Variants in DNAH11 observed in about 807,000 individuals in gnomAD.
DNAH11 encodes the protein axonemal beta dynein heavy chain 11.
In DNAH11, 442 loss-of-function variants were observed where a neutral mutation model predicts 526.0. That is an observed-to-expected ratio of 0.84 (90% CI 0.78 to 0.91). The LOEUF is 0.91. Ranked by LOEUF, DNAH11 falls within the 40% of genes least tolerant of loss-of-function variation. DNAH11 has a pLI of 0.00. For synonymous variants in DNAH11, 2,461 were observed against 1,935.9 expected (o/e 1.27, Z -7.12); for missense variants, 6,989 against 5,448.7 (o/e 1.28, Z -8.90).
chr7:21,900,808 A>G (rs1403581969), intron 81 of DNAH11, 199 bp from the exon 82 acceptor site: 2 of 722,600 alleles, frequency 2.8e-6, no homozygotes, highest in African/African-American at 1.8e-5. Context: ...TACGCATGGA[A>G]GCAAAGCGGT....
intron 63 of DNAH11, among the ~76,000 whole-genome samples, chr7:21,814,349 ATTTTTTT>A (rs923471274): frequency 3.5e-5 from 5 of 143,188 alleles, no homozygotes; most frequent in Admixed American, 6.7e-5. Flanking sequence ...TTATTTATTT[ATTTTTTT>A]TTTATTTTTT....
Position 21,543,428 on chromosome 7 carries a change from C to T in DNAH11, c.183C>T (p.Phe61=), listed in dbSNP as rs571142873. Residue 61 remains phenylalanine (F), a synonymous_variant, in exon 1 of 82, where the codon TTC becomes TTT. Coordinates refer to ENST00000409508, the MANE Select transcript of DNAH11 (RefSeq NM_001277115.2). ...RSFAQDARVR[F]LGGRLAMMLG... ...TCGCCCAAGACGCGCGGGTGCGCTTCCTCGGCGGCCGCCTGGCGATGATGC... is the reference window on the plus strand; with the variant it reads ...TCGCCCAAGACGCGCGGGTGCGCTTTCTCGGCGGCCGCCTGGCGATGATGC... The T allele has an allele frequency of 7.6e-5, 119 of 1,556,968 alleles. 1 individual carries two copies. The East Asian group carries it at 1.9e-3, about 24-fold the overall frequency.
At chr7:21,779,969 A>T (rs1432709306) in intron 57 of DNAH11, among the ~76,000 whole-genome samples, 2 of 152,124 alleles carry the variant, frequency 1.3e-5, no homozygotes, top group Non-Finnish European at 2.9e-5. Flanking sequence ...ATGTTACCTG[A>T]AAATATTTGA....
intron 55 of DNAH11, among the ~76,000 whole-genome samples, 167 bp downstream of exon 55, chr7:21,765,756 A>G (rs1214277933): frequency 1.3e-5 from 2 of 152,210 alleles, no homozygotes; most frequent in African/African-American, 4.8e-5. Context: ...CTGTTAGTTT[A>G]CATTCTAAGG....
intron 11 of DNAH11, 64 bp from the exon 12 acceptor site, chr7:21,589,144 C>A (rs1164887280): frequency 1.6e-6 from 2 of 1,277,704 alleles, no homozygotes; most frequent in African/African-American, 1.5e-5. Flanking sequence ...TATTACTATA[C>A]AATTATTAAG....
At chr7:21,603,651 C>T (rs777125526) in intron 18 of DNAH11, among the ~76,000 whole-genome samples, 26 of 152,044 alleles carry the variant, frequency 1.7e-4, no homozygotes, top group Non-Finnish European at 3.2e-4. Context: ...AGCTTGCAAG[C>T]CAGTTAGACA....
chr7:21,813,500 C>G (rs915800250), intron 63 of DNAH11, among the ~76,000 whole-genome samples: 3 of 152,160 alleles, frequency 2.0e-5, no homozygotes, highest in African/African-American at 7.2e-5. Context: ...TGAGTTGTTA[C>G]GTTACTGTAA....
intron 43 of DNAH11, among the ~76,000 whole-genome samples, chr7:21,719,032 T>G (rs1784778425): frequency 6.6e-6 from 1 of 152,214 alleles, no homozygotes; most frequent in East Asian, 1.9e-4. Context: ...ATCGTGTTCT[T>G]TCTCAAGTTC....
chr7:21,758,310 G>A (rs1786725615), intron 54 of DNAH11, among the ~76,000 whole-genome samples: 1 of 152,154 alleles, frequency 6.6e-6, no homozygotes, highest in Admixed American at 6.5e-5. Context: ...TGTATCTGAG[G>A]TTTACCCTCT....
At chr7:21,684,142 C>T (rs1409818565) in intron 32 of DNAH11, among the ~76,000 whole-genome samples, 198 bp downstream of exon 32, 1 of 152,154 alleles carries the variant, frequency 6.6e-6, no homozygotes, top group Non-Finnish European at 1.5e-5. Flanking sequence ...ATTAATATGG[C>T]TCAAGGAAGC....
intron 31 of DNAH11, among the ~76,000 whole-genome samples, chr7:21,682,309 G>A (rs934468113): frequency 2.6e-5 from 4 of 151,984 alleles, no homozygotes; most frequent in African/African-American, 4.8e-5. Context: ...GGCAGATCAC[G>A]AGGTCAGGAG....
chr7:21,687,802 C>T (rs929551968), intron 34 of DNAH11, among the ~76,000 whole-genome samples: 3 of 152,150 alleles, frequency 2.0e-5, no homozygotes, highest in Non-Finnish European at 2.9e-5. Context: ...TGCTTGTGAT[C>T]CTGGCACTTT....
intron 71 of DNAH11, among the ~76,000 whole-genome samples, chr7:21,867,515 T>C (rs974846511): frequency 2.0e-5 from 3 of 152,110 alleles, no homozygotes; most frequent in Admixed American, 1.3e-4. Flanking sequence ...AATTGCACTG[T>C]GGCAAATCTA....
Position 21,559,719 on chromosome 7 carries a change from T to G in DNAH11, c.809T>G (p.Leu270Arg). 1.9e-6 allele frequency: 3 copies of G among 1,609,850 alleles called. No individual in the cohort carries two copies. Among genetic ancestry groups the G allele is most frequent in the Non-Finnish European group, 2.5e-6 (3 of 1,177,900 alleles). The part of the protein sequence containing the change: ...RDSVQRLLNG[L>R]HLSPQAELDF... ...TCAGTGCAGCGTTTGTTGAATGGTC[T>G]TCACTTGTCTCCTCAAGCAGAACTA... The change falls in exon 4 of 82, where the codon CTT becomes CGT. Residue 270 changes from leucine to arginine, a missense_variant. Physicochemically the swap from Leu to Arg is moderately radical, Grantham distance 102. Transcript: ENST00000409508.
intron 57 of DNAH11, among the ~76,000 whole-genome samples, chr7:21,781,392 G>C (rs978282870): frequency 6.6e-6 from 1 of 152,192 alleles, no homozygotes; most frequent in Non-Finnish European, 1.5e-5. Flanking sequence ...GGCATTGCCA[G>C]CAGTGACTTC....
At chr7:21,640,598 A>T (rs76527816) in intron 28 of DNAH11, among the ~76,000 whole-genome samples, 4,142 of 152,170 alleles carry the variant, frequency 0.027, 175 homozygotes, top group African/African-American at 0.094. Flanking sequence ...AACAGTCATG[A>T]AACAGTTTTA....
At chr7:21,747,291 G>A (rs1786190721) in intron 51 of DNAH11, among the ~76,000 whole-genome samples, 1 of 152,120 alleles carries the variant, frequency 6.6e-6, no homozygotes, top group South Asian at 2.1e-4. Flanking sequence ...TATCTTCTCT[G>A]TTACTGGAGG....
chr7:21,730,418 A>G (rs920954215), intron 45 of DNAH11, among the ~76,000 whole-genome samples: 3 of 152,254 alleles, frequency 2.0e-5, no homozygotes, highest in Non-Finnish European at 2.9e-5. Flanking sequence ...ACCAGTAAGT[A>G]TAATGCAAAT....
At chr7:21,894,833 C>T (rs759460191) in intron 78 of DNAH11, 28 bp downstream of exon 78, 3 of 1,611,462 alleles carry the variant, frequency 1.9e-6, no homozygotes, top group South Asian at 2.2e-5. Flanking sequence ...CTATAGTAGA[C>T]TTCAGCACAT....
Sources: allele counts gnomAD v4.1 joint callset (sites outside exome capture counted in the v4.1 genomes callset), GRCh38; gene constraint gnomAD v4.1.1; transcripts MANE v1.5; gene names NCBI Gene and HGNC (gene_info 2026-07-23, HGNC 2026-07-21).